The following CATSPERH variants were observed in gnomAD, a reference collection of about 807,000 sequenced individuals.
CATSPERH encodes the protein cation channel sperm-associated auxiliary subunit eta.
chr11:65,088,654 G>A, the CATSPERH span: 1 of 1,536,224 alleles, frequency 6.5e-7, no homozygotes, highest in Non-Finnish European at 8.7e-7. Flanking sequence ...CACTCACTCA[G>A]GATGGTCAGG....
chr11:65,088,989 C>G, the CATSPERH span: 1 of 1,535,702 alleles, frequency 6.5e-7, no homozygotes, highest in East Asian at 2.4e-5. Context: ...AGCATCATGC[C>G]TTTTGGGAAG....
the CATSPERH span, chr11:65,088,441 C>A: frequency 3.3e-6 from 5 of 1,536,092 alleles, no homozygotes; most frequent in South Asian, 5.9e-5. Flanking sequence ...AGCCCTGTTC[C>A]GACTCCCCAG....
chr11:65,088,847 C>T, the CATSPERH span: 2 of 1,535,704 alleles, frequency 1.3e-6, no homozygotes, highest in African/African-American at 2.7e-5. Context: ...GCGTCCCTGC[C>T]CTGAGCCTAC....
the CATSPERH span, chr11:65,088,645 A>T: frequency 1.3e-6 from 2 of 1,535,868 alleles, no homozygotes; most frequent in Non-Finnish European, 1.7e-6. Context: ...CACTCCTGCC[A>T]CTCACTCAGG....
At chr11:65,088,841 C>T in the CATSPERH span, 12 of 1,535,712 alleles carry the variant, frequency 7.8e-6, no homozygotes, top group South Asian at 1.2e-4. Flanking sequence ...GCCCTTGCGT[C>T]CCTGCCCTGA....
At chr11:65,088,442 G>T in the CATSPERH span, 1 of 1,536,040 alleles carries the variant, frequency 6.5e-7, no homozygotes. Flanking sequence ...GCCCTGTTCC[G>T]ACTCCCCAGG....
chr11:65,088,442 G>C, the CATSPERH span: 1 of 1,536,040 alleles, frequency 6.5e-7, no homozygotes, highest in Non-Finnish European at 8.7e-7. Flanking sequence ...GCCCTGTTCC[G>C]ACTCCCCAGG....
chr11:65,088,706 G>A, the CATSPERH span: 4 of 1,536,200 alleles, frequency 2.6e-6, no homozygotes, highest in Non-Finnish European at 3.5e-6. Context: ...TCTCAGCATA[G>A]AGTGACCCCA....
the CATSPERH span, chr11:65,088,720 C>T: frequency 6.5e-7 from 1 of 1,536,232 alleles, no homozygotes; most frequent in Non-Finnish European, 8.7e-7. Flanking sequence ...GACCCCATGG[C>T]AGCCCAGCAG....
the CATSPERH span, chr11:65,088,916 T>C: frequency 1.3e-6 from 2 of 1,535,762 alleles, no homozygotes; most frequent in Non-Finnish European, 1.7e-6. Flanking sequence ...GATGCAGAAG[T>C]TGTGCACGTC....
At chr11:65,088,943 A>G in the CATSPERH span, 45 of 1,535,618 alleles carry the variant, frequency 2.9e-5, no homozygotes, top group Non-Finnish European at 3.8e-5. Flanking sequence ...GAAGATGCCC[A>G]GGTGTAAGAA....
chr11:65,089,023 C>T, the CATSPERH span: 17 of 1,535,368 alleles, frequency 1.1e-5, no homozygotes, highest in Non-Finnish European at 1.4e-5. Context: ...TGCGGTCTTG[C>T]AGCCACATCT....
At chr11:65,088,498 G>A in the CATSPERH span, 1 of 1,536,138 alleles carries the variant, frequency 6.5e-7, no homozygotes, top group Admixed American at 2.0e-5. Flanking sequence ...AAACTCCAAG[G>A]ACAGGCGGTT....
the CATSPERH span, chr11:65,088,959 G>A: frequency 6.5e-7 from 1 of 1,535,762 alleles, no homozygotes; most frequent in South Asian, 1.2e-5. Flanking sequence ...AAGAAGAAGA[G>A]CATCAGCGCA....
chr11:65,089,082 C>G, the CATSPERH span: 2 of 1,440,208 alleles, frequency 1.4e-6, no homozygotes, highest in Non-Finnish European at 1.9e-6. Flanking sequence ...AGCAAGCAGG[C>G]CCTGCCCAGG....
chr11:65,088,587 T>C, the CATSPERH span: 1 of 1,525,344 alleles, frequency 6.6e-7, no homozygotes. Context: ...GGCTACTCCT[T>C]GCCACATCTC....
At chr11:65,088,408 C>A in the CATSPERH span, 2 of 1,515,706 alleles carry the variant, frequency 1.3e-6, no homozygotes, top group South Asian at 2.4e-5. Context: ...ACACCCGAGG[C>A]AGCCTTTTGC....
At chr11:65,088,806 C>G in the CATSPERH span, 1 of 1,535,226 alleles carries the variant, frequency 6.5e-7, no homozygotes, top group East Asian at 2.4e-5. Context: ...GGGTTTCCAT[C>G]AGCCCCTCGG....
At chr11:65,088,679 G>C in the CATSPERH span, 2 of 1,536,298 alleles carry the variant, frequency 1.3e-6, no homozygotes, top group African/African-American at 2.7e-5. Context: ...AGAAGCAGAC[G>C]TACTTGTTTT....
Sources: gnomAD v4.1 joint callset for allele counts on GRCh38, gnomAD v4.1.1 for gene constraint, MANE v1.5 for transcripts, NCBI Gene and HGNC (gene_info 2026-07-23, HGNC 2026-07-21) for gene names.